Variants in SEMA3E observed in about 807,000 individuals in gnomAD.
The protein encoded by SEMA3E is semaphorin-3E.
SEMA3E carries 49 observed loss-of-function variants against 93.6 expected under a neutral mutation model. The observed-to-expected ratio is 0.52, with a 90% CI of 0.42 to 0.66. The LOEUF (loss-of-function observed/expected upper bound fraction) is 0.66. SEMA3E is among the 30% of genes least tolerant of loss of function. SEMA3E has a pLI of 0.00. For synonymous variants in SEMA3E, 363 were observed against 330.7 expected, an observed-to-expected ratio of 1.10 and a Z score of -1.06; for missense variants, 906 against 964.8, an observed-to-expected ratio of 0.94 and a Z score of 0.81.
intron 4 of SEMA3E, among the ~76,000 whole-genome samples, chr7:83,457,709 T>C (rs1789516760): frequency 1.3e-5 from 2 of 152,182 alleles, no homozygotes; most frequent in Non-Finnish European, 2.9e-5. Context: ...TTAAATATTA[T>C]GAATGTCTTG....
At chr7:83,431,377 A>T (rs978301486) in intron 4 of SEMA3E, among the ~76,000 whole-genome samples, 3 of 152,078 alleles carry the variant, frequency 2.0e-5, no homozygotes, top group Non-Finnish European at 2.9e-5. Flanking sequence ...TAAAAAATAT[A>T]TCTTAATTTG....
intron 1 of SEMA3E, among the ~76,000 whole-genome samples, chr7:83,516,688 G>C (rs1790934635): frequency 2.0e-5 from 3 of 152,018 alleles, no homozygotes. Context: ...AACGTATTCT[G>C]ATATTTTCAG....
intron 1 of SEMA3E, among the ~76,000 whole-genome samples, chr7:83,616,417 C>T (rs926308054): frequency 6.6e-6 from 1 of 152,046 alleles, no homozygotes; most frequent in Non-Finnish European, 1.5e-5. Flanking sequence ...TGAGATGAAA[C>T]ATCTTACCAG....
intron 1 of SEMA3E, among the ~76,000 whole-genome samples, chr7:83,529,617 A>G (rs1400079266): frequency 1.3e-5 from 2 of 152,146 alleles, no homozygotes; most frequent in Admixed American, 1.3e-4. Context: ...GACTTTAGCT[A>G]GTCTATCCAG....
At chr7:83,456,487 C>CA (rs575813037) in intron 4 of SEMA3E, among the ~76,000 whole-genome samples, 5 of 149,902 alleles carry the variant, frequency 3.3e-5, no homozygotes, top group African/African-American at 7.3e-5. Context: ...ACGCCTGTAG[C>CA]AAAAAATAAA....
At chr7:83,576,272 G>A (rs191128720) in intron 1 of SEMA3E, among the ~76,000 whole-genome samples, 66 of 152,228 alleles carry the variant, frequency 4.3e-4, no homozygotes, top group East Asian at 1.7e-3. Flanking sequence ...TATCAACGGA[G>A]TTAAGACAGT....
intron 14 of SEMA3E, among the ~76,000 whole-genome samples, chr7:83,389,308 A>G (rs977100854): frequency 5.3e-5 from 8 of 152,206 alleles, no homozygotes; most frequent in African/African-American, 1.9e-4. Context: ...CTGATGAGCA[A>G]TAATGAATAA....
At chr7:83,381,897 C>T (rs1277768352) in intron 16 of SEMA3E, among the ~76,000 whole-genome samples, 2 of 151,860 alleles carry the variant, frequency 1.3e-5, no homozygotes, top group African/African-American at 4.8e-5. Context: ...ACAATGGTTC[C>T]TGGCATCAGT....
At chr7:83,429,819 T>C (rs1027105220) in intron 4 of SEMA3E, among the ~76,000 whole-genome samples, 1 of 152,198 alleles carries the variant, frequency 6.6e-6, no homozygotes, top group Non-Finnish European at 1.5e-5. Flanking sequence ...TTCGGTTTTT[T>C]GCTTATTCGT....
At chr7:83,455,464 A>T (rs1242594718) in intron 4 of SEMA3E, among the ~76,000 whole-genome samples, 1 of 152,232 alleles carries the variant, frequency 6.6e-6, no homozygotes, top group Admixed American at 6.5e-5. Context: ...TTTTCTAAAA[A>T]TACCTGTATT....
chr7:83,459,030 T>C (rs943269676), intron 4 of SEMA3E, among the ~76,000 whole-genome samples: 1 of 148,900 alleles, frequency 6.7e-6, no homozygotes, highest in Non-Finnish European at 1.5e-5. Context: ...GAAATATTAT[T>C]TGAAGAAATA....
chr7:83,468,923 G>GA (rs543064413), intron 3 of SEMA3E, among the ~76,000 whole-genome samples: 66 of 148,270 alleles, frequency 4.5e-4, no homozygotes, highest in Non-Finnish European at 6.6e-4. Flanking sequence ...ACTGTTCCTA[G>GA]AAAAAAAAAA....
Position 83,490,189 on chromosome 7 carries a change from T to C in SEMA3E, c.201A>G (p.Gln67=), listed in dbSNP as rs1017152655. Residue 67 remains glutamine (Q), a synonymous_variant, in exon 2 of 17, where the codon CAA becomes CAG. Coordinates refer to ENST00000643230, the MANE Select transcript of SEMA3E (RefSeq NM_012431.3). ...CCCTGCCTCCCACGAAGAGCCTCTC[T>C]TGATATTCATCCAGCAGCATTGTAT... ...DLHTMLLDEY[Q]ERLFVGGRDL... 15 of 1,613,154 alleles carry C rather than the reference T, an allele frequency of 9.3e-6. No individual in the cohort carries two copies. Among genetic ancestry groups the C allele is most frequent in the Middle Eastern group, 1.6e-4 (1 of 6,062 alleles).
chr7:83,509,560 C>CA (rs1193792671), intron 1 of SEMA3E, among the ~76,000 whole-genome samples: 1 of 152,012 alleles, frequency 6.6e-6, no homozygotes, highest in Non-Finnish European at 1.5e-5. Context: ...CAAAAACAAA[C>CA]AAAAAAACCA....
At chr7:83,412,774 A>C (rs966203625) in intron 5 of SEMA3E, among the ~76,000 whole-genome samples, 3 of 151,858 alleles carry the variant, frequency 2.0e-5, no homozygotes, top group Non-Finnish European at 4.4e-5. Context: ...AAAAAAAAAA[A>C]AAAACACACA....
chr7:83,440,698 A>G (rs1161730117), intron 4 of SEMA3E, among the ~76,000 whole-genome samples: 1 of 151,758 alleles, frequency 6.6e-6, no homozygotes, highest in Non-Finnish European at 1.5e-5. Flanking sequence ...CTGTAATCCC[A>G]GCTACTCAGG....
At chr7:83,438,444 T>C (rs1789046693) in intron 4 of SEMA3E, among the ~76,000 whole-genome samples, 1 of 152,162 alleles carries the variant, frequency 6.6e-6, no homozygotes, top group African/African-American at 2.4e-5. Context: ...CTAGATATCA[T>C]AATTTCAATC....
intron 2 of SEMA3E, among the ~76,000 whole-genome samples, chr7:83,472,372 C>T (rs1486569710): frequency 6.6e-6 from 1 of 151,968 alleles, no homozygotes; most frequent in Admixed American, 6.6e-5. Flanking sequence ...CTGTGGAAAC[C>T]CACACTGCAA....
chr7:83,509,079 G>A (rs1385712153), intron 1 of SEMA3E, among the ~76,000 whole-genome samples: 1 of 152,126 alleles, frequency 6.6e-6, no homozygotes, highest in Non-Finnish European at 1.5e-5. Flanking sequence ...TGTCATTAAA[G>A]TTTTACAACT....
Sources: gnomAD v4.1 joint callset for allele counts (sites outside exome capture counted in the v4.1 genomes callset) on GRCh38, gnomAD v4.1.1 for gene constraint, MANE v1.5 for transcripts, NCBI Gene and HGNC (gene_info 2026-07-23, HGNC 2026-07-21) for gene names.